Variants in HTR4 observed in about 807,000 individuals in gnomAD.
The protein encoded by HTR4 is 5-hydroxytryptamine (serotonin) receptor 4, G protein-coupled.
HTR4 carries 16 observed loss-of-function variants against 36.8 expected under a neutral mutation model. The ratio of observed to expected loss-of-function variants is 0.43; its 90% CI spans 0.29 to 0.66. The LOEUF is 0.66. HTR4 is among the 30% of genes least tolerant of loss of function. The pLI is 0.13. For synonymous variants in HTR4, 189 were observed against 185.1 expected (o/e 1.02, Z -0.17); for missense variants, 438 against 490.9 (o/e 0.89, Z 1.02).
At chr5:148,505,802 A>T (rs1233089095) in intron 6 of HTR4, among the ~76,000 whole-genome samples, 2 of 152,216 alleles carry the variant, frequency 1.3e-5, no homozygotes, top group Non-Finnish European at 2.9e-5. Context: ...AATACCTAGG[A>T]ATCCAACTCA....
chr5:148,593,116 G>T (rs542079568), intron 2 of HTR4, among the ~76,000 whole-genome samples: 1 of 151,902 alleles, frequency 6.6e-6, no homozygotes, highest in Non-Finnish European at 1.5e-5. Flanking sequence ...TCTGCTTTTG[G>T]GTCCTCTGAT....
chr5:148,512,845 C>T (rs1290353292), intron 5 of HTR4, among the ~76,000 whole-genome samples: 4 of 152,014 alleles, frequency 2.6e-5, no homozygotes, highest in African/African-American at 4.8e-5. Context: ...GCACTAGAAT[C>T]GCTTGAACCC....
chr5:148,511,688 G>T (rs1757507865), intron 5 of HTR4, among the ~76,000 whole-genome samples: 1 of 149,782 alleles, frequency 6.7e-6, no homozygotes, highest in African/African-American at 2.5e-5. Flanking sequence ...ATATACCCAG[G>T]ACTGAAATTG....
intron 4 of HTR4, 129 bp from the exon 5 acceptor site, chr5:148,523,475 T>A: frequency 1.7e-6 from 1 of 578,936 alleles, no homozygotes; most frequent in Non-Finnish European, 2.8e-6. Flanking sequence ...CAGCAAACAT[T>A]GAGGAGAAGA....
intron 2 of HTR4, among the ~76,000 whole-genome samples, chr5:148,580,053 G>T (rs909840245): frequency 6.6e-6 from 1 of 151,978 alleles, no homozygotes; most frequent in East Asian, 1.9e-4. Context: ...CAGGGAGCAG[G>T]ATATCTTGGG....
chr5:148,634,497 T>A (rs1233582766), intron 2 of HTR4, among the ~76,000 whole-genome samples: 1 of 152,228 alleles, frequency 6.6e-6, no homozygotes. Context: ...AATAATGATA[T>A]GGAGCTTGTA....
In HTR4 at chr5:148,481,702, A is replaced by C. The variant is rs779333667; in HGVS notation, c.*1501T>G. ...AAGAAAAAAAGAGAATATGATAAAT[A>C]ATCCTGAGATGCTATTAAACCACAG... On this transcript the variant is annotated 3_prime_UTR_variant, in exon 7 of 7. Transcript: ENST00000377888. 1 of 1,460,850 alleles carries C rather than the reference A, an allele frequency of 6.8e-7. No homozygotes were observed. Among genetic ancestry groups the C allele is most frequent in the Non-Finnish European group, 8.9e-7 (1 of 1,119,054 alleles). The allele number at this position is 1,460,850 out of a possible 1,614,324, so 90.5% of individuals were successfully genotyped here. A position where few individuals can be genotyped will look rare whatever the true frequency, so the allele number is the denominator to read the frequency against.
chr5:148,585,911 T>C (rs941777164), intron 2 of HTR4, among the ~76,000 whole-genome samples: 5 of 152,154 alleles, frequency 3.3e-5, no homozygotes, highest in African/African-American at 1.2e-4. Context: ...ATGTCAAACT[T>C]GCTCCTTTTA....
At chr5:148,614,357 G>A (rs1343798480) in intron 2 of HTR4, among the ~76,000 whole-genome samples, 1 of 152,028 alleles carries the variant, frequency 6.6e-6, no homozygotes, top group Non-Finnish European at 1.5e-5. Flanking sequence ...GAACAGAACA[G>A]AGCCCTCAGA....
chr5:148,540,410 A>G (rs1034803530), intron 4 of HTR4, among the ~76,000 whole-genome samples: 5,837 of 80,820 alleles, frequency 0.072, 344 homozygotes, highest in Non-Finnish European at 0.12. Flanking sequence ...GTATATATAT[A>G]TATATATATA....
rs1755170673 is a variant in HTR4, at chr5:148,458,180, T to C, written c.1077-6908A>G. On this transcript the variant is annotated intron_variant, in intron 5 of 5. Coordinates refer to the HTR4 transcript ENST00000521530. Reference sequence around the variant, plus strand: ...CATTAAAATATATTATATTTTAATATCTATTTAATATATCATTAAAATATA... The same window carrying C: ...CATTAAAATATATTATATTTTAATACCTATTTAATATATCATTAAAATATA... Among the ~76,000 whole-genome samples the C allele has an allele frequency of 2.0e-5, 3 of 146,820 alleles. 1 individual carries two copies. Among genetic ancestry groups the C allele is most frequent in the South Asian group, 4.2e-4 (2 of 4,748 alleles).
intron 2 of HTR4, among the ~76,000 whole-genome samples, chr5:148,574,545 C>G (rs1052052893): frequency 1.3e-5 from 2 of 152,052 alleles, no homozygotes; most frequent in African/African-American, 2.4e-5. Context: ...ATGATATTTT[C>G]AGATAAATAA....
intron 2 of HTR4, among the ~76,000 whole-genome samples, chr5:148,565,714 T>TGATGGGAG (rs1760405808): frequency 6.6e-6 from 1 of 152,008 alleles, no homozygotes; most frequent in African/African-American, 2.4e-5. Flanking sequence ...GGAGTGAAGG[T>TGATGGGAG]GATGGGAGAG....
At chr5:148,652,148 A>G (rs908465731) in intron 1 of HTR4, among the ~76,000 whole-genome samples, 2 of 152,252 alleles carry the variant, frequency 1.3e-5, no homozygotes, top group South Asian at 2.1e-4. Context: ...CATAGTCTAT[A>G]TCTATTCCTA....
chr5:148,638,435 A>G (rs189289646), intron 1 of HTR4, among the ~76,000 whole-genome samples: 399 of 152,352 alleles, frequency 2.6e-3, no homozygotes, highest in African/African-American at 9.4e-3. Flanking sequence ...TTGTCTATCT[A>G]AAATTTTTCC....
At chr5:148,464,024 C>T (rs375034643) in intron 5 of HTR4, among the ~76,000 whole-genome samples, 2 of 100,160 alleles carry the variant, frequency 2.0e-5, no homozygotes, top group South Asian at 6.8e-4. Context: ...AACAACTGGA[C>T]ATTGACATGC....
chr5:148,585,601 C>A (rs1286861220), intron 2 of HTR4, among the ~76,000 whole-genome samples: 1 of 152,170 alleles, frequency 6.6e-6, no homozygotes, highest in East Asian at 1.9e-4. Context: ...CCATCTCAAT[C>A]ACAGCTGAAG....
chr5:148,503,797 G>T (rs1336197689), intron 6 of HTR4, among the ~76,000 whole-genome samples: 1 of 152,064 alleles, frequency 6.6e-6, no homozygotes, highest in Non-Finnish European at 1.5e-5. Context: ...GATGGAGGAA[G>T]ATCTACCAAG....
chr5:148,623,344 C>A (rs181476010), intron 2 of HTR4, among the ~76,000 whole-genome samples: 44 of 152,194 alleles, frequency 2.9e-4, no homozygotes, highest in African/African-American at 9.2e-4. Context: ...GTAGCCAAGG[C>A]CTCTCCACAG....
Sources: allele counts gnomAD v4.1 joint callset (sites outside exome capture counted in the v4.1 genomes callset), GRCh38; gene constraint gnomAD v4.1.1; transcripts MANE v1.5; gene names NCBI Gene and HGNC (gene_info 2026-07-23, HGNC 2026-07-21).